The following WNT7B variants were observed in gnomAD, a reference collection of about 807,000 sequenced individuals.
WNT7B encodes the protein Wnt family member 7B, also known as protein Wnt-7b.
A neutral mutation model predicts 38.2 loss-of-function variants in WNT7B; 19 were observed. The ratio of observed to expected loss-of-function variants is 0.50; its 90% CI spans 0.35 to 0.73. The LOEUF (loss-of-function observed/expected upper bound fraction) is 0.73, where lower values mean the gene tolerates loss of function less well. Ranked by LOEUF, WNT7B falls within the 30% of genes least tolerant of loss-of-function variation. The pLI, the probability that WNT7B is intolerant of heterozygous loss-of-function variation, is 0.01. For synonymous variants in WNT7B, 243 were observed against 209.3 expected, an observed-to-expected ratio of 1.16 and a Z score of -1.39; for missense variants, 423 against 507.9, an observed-to-expected ratio of 0.83 and a Z score of 1.61.
Position 45,948,827 on chromosome 22 carries a change from CTTTTTTTTTTTTTTTTT to C in WNT7B, c.298+1076_298+1092del, listed in dbSNP as rs749735538. On this transcript the variant is annotated intron_variant, in intron 2 of 3. Transcript: ENST00000339464. Reference sequence around the variant, plus strand: ...AACCCAGGTCAGGCTCCAAAGATCCCTTTTTTTTTTTTTTTTTTTTTTTTTTTTTTCCCCTGAGACAG... The same window carrying C: ...AACCCAGGTCAGGCTCCAAAGATCCCTTTTTTTTTTTTTCCCCTGAGACAG... Among the ~76,000 whole-genome samples the C allele has an allele frequency of 2.7e-3, 246 of 90,170 alleles. 1 individual carries two copies. Among genetic ancestry groups the C allele is most frequent in the South Asian group, 0.018 (33 of 1,808 alleles). 59.2% of individuals were successfully genotyped at this position (90,170 alleles called of 152,430 possible).
Position 45,976,876 on chromosome 22 carries a change from G to A in WNT7B, c.-122C>T. ...TGCGCTCAGCCCGCGCTGCGGCTCG[G>A]GCGGCCGGCGACGCGCGGGCACTCG... On this transcript the variant is annotated 5_prime_UTR_variant, in exon 1 of 4. Coordinates refer to ENST00000339464, the MANE Select transcript of WNT7B (RefSeq NM_058238.3). This position sits in a 1 kb window ranked among gnomAD's most constrained non-coding sequence, Gnocchi z 8.5. 1 of 1,021,758 alleles carries A rather than the reference G, an allele frequency of 9.8e-7. No homozygotes were observed. The highest frequency in any genetic ancestry group is 1.2e-6 in the Non-Finnish European group (1 of 849,276). The allele number at this position is 1,021,758 out of a possible 1,614,324, so 63.3% of individuals were successfully genotyped here.
chr22:45,923,420 C>A, intron 3 of WNT7B, 85 bp from the exon 4 acceptor site: 1 of 1,498,210 alleles, frequency 6.7e-7, no homozygotes, highest in Non-Finnish European at 8.9e-7. Flanking sequence ...CTAGCCCAGC[C>A]CTGGAGCCCG....
intron 2 of WNT7B, chr22:45,935,809 A>T (rs904864076): frequency 1.0e-6 from 1 of 985,298 alleles, no homozygotes; most frequent in Non-Finnish European, 1.2e-6. Context: ...GGGATTTGCA[A>T]TAGGCCCATG....
At chr22:45,925,158 A>G (rs1350507648) in intron 3 of WNT7B, 2 of 957,238 alleles carry the variant, frequency 2.1e-6, no homozygotes, top group African/African-American at 2.0e-5. Flanking sequence ...GGGTGGGCCC[A>G]AAGGCTCATC....
intron 1 of WNT7B, among the ~76,000 whole-genome samples, chr22:45,957,672 G>C (rs1196032808): frequency 1.1e-5 from 1 of 88,596 alleles, no homozygotes; most frequent in Non-Finnish European, 1.9e-5. Context: ...GAGGGAGCAA[G>C]ACTCCGTCTC....
rs115869349 is a variant in WNT7B at position 45,975,702 on chromosome 22, C to T, written c.71+982G>A. 4,556 of 550,348 alleles carry T rather than the reference C, an allele frequency of 8.3e-3. 41 individuals carry two copies. The highest frequency in any genetic ancestry group is 0.043 in the African/African-American group (2,234 of 52,120). 34.1% of individuals were successfully genotyped at this position (550,348 alleles called of 1,614,324 possible). On this transcript the variant is annotated intron_variant, in intron 1 of 3. Transcript: ENST00000339464. This position sits in a 1 kb window ranked among gnomAD's most constrained non-coding sequence, Gnocchi z 6.6. ...TTCACCGCCTTGCCTGTGGCCTGGA[C>T]GGGGCTCGCCTCGGGGCAGCCGGCG...
intron 1 of WNT7B, among the ~76,000 whole-genome samples, chr22:45,955,935 G>T (rs954358489): frequency 2.0e-5 from 3 of 152,186 alleles, no homozygotes; most frequent in African/African-American, 7.2e-5. Context: ...TGTACAAGGA[G>T]GGGCTGCCGC....
At position 45,922,994 on chromosome 22, in the gene WNT7B, A is replaced by G; in HGVS notation, c.912T>C (p.Cys304=). The G allele has an allele frequency of 6.2e-7, 1 of 1,613,166 alleles. No individual in the cohort carries two copies. Residue 304 remains cysteine, a synonymous_variant, in exon 4 of 4, where the codon TGT becomes TGC. Transcript: ENST00000339464. ...CNRTSPGADG[C]DTMCCGRGYN... The stretch of plus-strand genomic sequence containing the variant: ...AGCCTCGGCCGCAGCACATGGTGTC[A>G]CAGCCGTCCGCGCCGGGCGACGTGC...
At chr22:45,925,056 G>A in intron 3 of WNT7B, 2 of 978,806 alleles carry the variant, frequency 2.0e-6, no homozygotes, top group African/African-American at 1.8e-5. Flanking sequence ...GGTGGGTGCT[G>A]GGTGGGCCCT....
intron 2 of WNT7B, among the ~76,000 whole-genome samples, chr22:45,949,510 C>G (rs1413484434): frequency 2.0e-5 from 3 of 152,222 alleles, no homozygotes; most frequent in African/African-American, 7.2e-5. Flanking sequence ...TCCCTGCTCT[C>G]CAGATACAGG....
At chr22:45,934,587 G>A (rs568793469) in intron 2 of WNT7B, among the ~76,000 whole-genome samples, 19 of 152,272 alleles carry the variant, frequency 1.2e-4, no homozygotes, top group African/African-American at 2.4e-4. Flanking sequence ...GCTGCAGAGC[G>A]GGTCAGGGGA....
intron 3 of WNT7B, among the ~76,000 whole-genome samples, chr22:45,929,368 TCACCCATC>T: frequency 6.6e-6 from 1 of 151,306 alleles, no homozygotes; most frequent in Admixed American, 6.6e-5. Context: ...ATCCATCTAT[TCACCCATC>T]CACCCACTCA....
intron 2 of WNT7B, among the ~76,000 whole-genome samples, chr22:45,937,362 G>A (rs1043543320): frequency 2.6e-5 from 4 of 152,248 alleles, no homozygotes; most frequent in Non-Finnish European, 4.4e-5. Flanking sequence ...TTGGCCAGCT[G>A]AGTGACCTCA....
At chr22:45,946,320 C>T (rs1397072342) in intron 2 of WNT7B, among the ~76,000 whole-genome samples, 1 of 152,228 alleles carries the variant, frequency 6.6e-6, no homozygotes, top group Non-Finnish European at 1.5e-5. Flanking sequence ...CGCTCACCTC[C>T]AGTCTGGCCT....
chr22:45,964,512 G>A (rs1932269960), intron 1 of WNT7B, among the ~76,000 whole-genome samples: 1 of 152,278 alleles, frequency 6.6e-6, no homozygotes, highest in Non-Finnish European at 1.5e-5. Context: ...CCTAGTGGGG[G>A]TGTCAGCCGC....
intron 3 of WNT7B, among the ~76,000 whole-genome samples, chr22:45,924,239 G>T (rs374607959): frequency 6.6e-6 from 1 of 152,182 alleles, no homozygotes; most frequent in Non-Finnish European, 1.5e-5. Context: ...TCTGTCCCTC[G>T]GGCCAGAACT....
rs980108692 is a variant in WNT7B at position 45,966,139 on chromosome 22, C to A, written c.71+10545G>T. ...AAGCAGACCCTGGGCACTGTGCACA[C>A]GTCAGTCCCACTAGGGAGGGCCTTC... On this transcript the variant is annotated intron_variant, in intron 1 of 3. Coordinates refer to ENST00000339464, the MANE Select transcript of WNT7B (RefSeq NM_058238.3). This position sits in a 1 kb window ranked among gnomAD's most constrained non-coding sequence, Gnocchi z 4.2. Among the ~76,000 whole-genome samples, 1 of 152,200 alleles carries A rather than the reference C, an allele frequency of 6.6e-6. No homozygotes were observed. Among genetic ancestry groups the A allele is most frequent in the Non-Finnish European group, 1.5e-5 (1 of 68,036 alleles).
chr22:45,947,522 A>G (rs1486453522), intron 2 of WNT7B, among the ~76,000 whole-genome samples: 2 of 152,206 alleles, frequency 1.3e-5, no homozygotes, highest in Non-Finnish European at 2.9e-5. Flanking sequence ...AGAGGTTCGC[A>G]TGGGTCGCAG....
chr22:45,923,198 C>T lies in WNT7B; in HGVS notation c.708G>A (p.Val236=), dbSNP rs776279044. 3.1e-6 allele frequency: 5 copies of T among 1,613,178 alleles called. No individual in the cohort carries two copies. In the Admixed American group the frequency reaches 6.7e-5, roughly 21 times the overall value. The change falls in exon 4 of 4, where the codon GTG becomes GTA. Residue 236 remains valine, a synonymous_variant. Transcript: ENST00000339464. ...HLLKEKYNAA[V]QVEVVRASRL... ...GGCTGGCCCGCACCACCTCCACCTG[C>T]ACGGCCGCGTTGTACTTCTCCTTCA...
Sources: allele counts gnomAD v4.1 joint callset (sites outside exome capture counted in the v4.1 genomes callset), GRCh38; gene constraint gnomAD v4.1.1; non-coding constraint Gnocchi (gnomAD v3.1); transcripts MANE v1.5; gene names NCBI Gene and HGNC (gene_info 2026-07-23, HGNC 2026-07-21).